The following CDIN1 variants were observed in gnomAD, a reference collection of about 807,000 sequenced individuals.
CDIN1 encodes CDAN1-interacting nuclease 1.
A neutral mutation model predicts 45.3 loss-of-function variants in CDIN1; 33 were observed. The ratio of observed to expected loss-of-function variants is 0.73; its 90% CI spans 0.55 to 0.97. The LOEUF (loss-of-function observed/expected upper bound fraction) is 0.97, where lower values mean the gene tolerates loss of function less well. Ranked by LOEUF, CDIN1 falls within the 50% of genes least tolerant of loss-of-function variation. CDIN1 has a pLI of 0.00. For missense variants in CDIN1, 303 were observed against 339.4 expected (o/e 0.89, Z 0.84); for synonymous variants, 118 against 124.4 (o/e 0.95, Z 0.34).
chr15:36,724,924 A>C (rs1430424859), intron 10 of CDIN1, among the ~76,000 whole-genome samples: 1 of 152,126 alleles, frequency 6.6e-6, no homozygotes, highest in Non-Finnish European at 1.5e-5. Context: ...ACCAAAATGT[A>C]CGAACCTAGG....
chr15:36,708,488 A>G (rs1296861958), intron 8 of CDIN1: 6 of 146,060 alleles, frequency 4.1e-5, no homozygotes, highest in Admixed American at 1.4e-4. Context: ...TTTTTAAACA[A>G]TCACCTTTCT....
chr15:36,731,684 T>C (rs1047849620), intron 10 of CDIN1, among the ~76,000 whole-genome samples: 1 of 152,162 alleles, frequency 6.6e-6, no homozygotes, highest in Non-Finnish European at 1.5e-5. Context: ...GAGCCATCAA[T>C]TGGTTTACCA....
chr15:36,638,701 A>G (rs1057059549), intron 1 of CDIN1, among the ~76,000 whole-genome samples: 10 of 152,340 alleles, frequency 6.6e-5, no homozygotes, highest in African/African-American at 2.2e-4. Context: ...GAAAAACTGC[A>G]ATTTGATTTC....
intron 10 of CDIN1, among the ~76,000 whole-genome samples, chr15:36,768,268 T>C (rs1753001805): frequency 6.6e-6 from 1 of 152,246 alleles, no homozygotes; most frequent in African/African-American, 2.4e-5. Context: ...TGGAGGGGCC[T>C]GACCTTTGGT....
At chr15:36,614,838 A>AT (rs1289539974) in intron 1 of CDIN1, among the ~76,000 whole-genome samples, 2 of 152,112 alleles carry the variant, frequency 1.3e-5, no homozygotes, top group Non-Finnish European at 2.9e-5. Flanking sequence ...TTTCTATTTT[A>AT]TTTTTTCATT....
intron 1 of CDIN1, among the ~76,000 whole-genome samples, chr15:36,637,759 A>G (rs2039958984): frequency 6.6e-6 from 1 of 152,242 alleles, no homozygotes; most frequent in African/African-American, 2.4e-5. Context: ...TGAATTAACT[A>G]CACTTAAATT....
chr15:36,725,317 CTTT>C (rs34845224), intron 10 of CDIN1, among the ~76,000 whole-genome samples: 2 of 139,938 alleles, frequency 1.4e-5, no homozygotes, highest in African/African-American at 2.6e-5. Context: ...TCTCTTGCCT[CTTT>C]TTTTTTTTTT....
At chr15:36,782,837 C>T (rs1016609136) in intron 10 of CDIN1, among the ~76,000 whole-genome samples, 1 of 152,136 alleles carries the variant, frequency 6.6e-6, no homozygotes, top group Non-Finnish European at 1.5e-5. Context: ...ATAAAACTTG[C>T]TTTGTTCCAA....
At chr15:36,596,231 C>T (rs1193846978) in intron 1 of CDIN1, among the ~76,000 whole-genome samples, 3 of 151,408 alleles carry the variant, frequency 2.0e-5, no homozygotes, top group Non-Finnish European at 4.4e-5. Context: ...TTTTTAGCCC[C>T]TAATTCCCTT....
At chr15:36,703,253 A>T (rs1479314180) in intron 8 of CDIN1, among the ~76,000 whole-genome samples, 2 of 120,520 alleles carry the variant, frequency 1.7e-5, no homozygotes, top group East Asian at 2.8e-4. Context: ...ATATATCAGA[A>T]AGGGATATAT....
At position 36,709,171 on chromosome 15, in the gene CDIN1, A is replaced by G. The variant is rs369340330; in HGVS notation, c.545-52A>G. ...AAGAAATAAAAACAAATATATTCCT[A>G]TCTTGTTAATTGAATAGTGTTTTAA... On this transcript the variant is annotated intron_variant, in intron 8 of 10. Coordinates refer to ENST00000566621, the MANE Select transcript of CDIN1 (RefSeq NM_001321759.2). The G allele has an allele frequency of 1.5e-5, 21 of 1,445,492 alleles. No homozygotes were observed. The African/African-American group carries it at 2.7e-4, about 19-fold the overall frequency. 89.5% of individuals were successfully genotyped at this position (1,445,492 alleles called of 1,614,324 possible).
At chr15:36,732,664 A>G (rs1197538848) in intron 10 of CDIN1, among the ~76,000 whole-genome samples, 1 of 152,072 alleles carries the variant, frequency 6.6e-6, no homozygotes, top group Non-Finnish European at 1.5e-5. Flanking sequence ...GGGATATAGA[A>G]TCTGGAAGAT....
At chr15:36,638,212 ATG>A (rs1242844914) in intron 1 of CDIN1, among the ~76,000 whole-genome samples, 2 of 152,336 alleles carry the variant, frequency 1.3e-5, no homozygotes, top group East Asian at 3.9e-4. Context: ...TTAAATGTAT[ATG>A]TGTGTGTATA....
intron 1 of CDIN1, chr15:36,613,388 T>C: frequency 1.0e-6 from 1 of 1,002,412 alleles, no homozygotes; most frequent in Non-Finnish European, 1.5e-6. Flanking sequence ...TTCCTTGTCT[T>C]AAGAACTCAG....
intron 1 of CDIN1, among the ~76,000 whole-genome samples, chr15:36,606,007 G>A (rs971418886): frequency 2.0e-5 from 3 of 152,018 alleles, no homozygotes; most frequent in Admixed American, 6.6e-5. Context: ...CTTCATTAGC[G>A]TGCTTGAGGA....
Position 36,640,821 on chromosome 15 carries a change from A to G in CDIN1, c.102-3457A>G, listed in dbSNP as rs759467. On this transcript the variant is annotated intron_variant, in intron 1 of 10. Coordinates refer to ENST00000566621, the MANE Select transcript of CDIN1 (RefSeq NM_001321759.2). The stretch of plus-strand genomic sequence containing the variant: ...GTTACCGAGTATCTTAGCTGGGTGG[A>G]CTTGGGAGCACATTTAGTTAAATAT... Among the ~76,000 whole-genome samples, 145,313 of 152,316 alleles carry G rather than the reference A, an allele frequency of 0.95. 69,322 individuals are homozygous for G. The highest frequency in any genetic ancestry group is 1 in the East Asian group (5,163 of 5,170).
At chr15:36,722,159 A>G (rs1276090427) in intron 10 of CDIN1, among the ~76,000 whole-genome samples, 2 of 152,196 alleles carry the variant, frequency 1.3e-5, no homozygotes, top group African/African-American at 4.8e-5. Context: ...CACATAGTTT[A>G]ACAGATTTGT....
At chr15:36,602,738 C>T (rs894679747) in intron 1 of CDIN1, among the ~76,000 whole-genome samples, 3 of 151,968 alleles carry the variant, frequency 2.0e-5, no homozygotes, top group South Asian at 2.1e-4. Context: ...TTTGGGAGGC[C>T]GAGGCGGGCA....
intron 1 of CDIN1, among the ~76,000 whole-genome samples, chr15:36,584,138 G>A (rs536441911): frequency 4.3e-4 from 65 of 152,328 alleles, no homozygotes; most frequent in African/African-American, 1.4e-3. Context: ...AGTGAGTGAT[G>A]GTGGTCATAG....
Sources: allele counts gnomAD v4.1 joint callset (sites outside exome capture counted in the v4.1 genomes callset), GRCh38; gene constraint gnomAD v4.1.1; transcripts MANE v1.5; gene names NCBI Gene and HGNC (gene_info 2026-07-23, HGNC 2026-07-21).